The following TMEM200A variants were observed in gnomAD, a reference collection of about 807,000 sequenced individuals.
TMEM200A encodes two transmembrane C.
A neutral mutation model predicts 24.3 loss-of-function variants in TMEM200A; 12 were observed. That is an observed-to-expected ratio of 0.49 (90% confidence interval 0.32 to 0.80). TMEM200A has a LOEUF of 0.80. Ranked by LOEUF, TMEM200A falls within the 30% of genes least tolerant of loss-of-function variation. TMEM200A has a pLI of 0.04. For synonymous variants in TMEM200A, 224 were observed against 224.4 expected, an observed-to-expected ratio of 1.00 and a Z score of 0.02; for missense variants, 545 against 614.4, an observed-to-expected ratio of 0.89 and a Z score of 1.19.
chr6:130,393,717 C>T (rs543586159), intron 2 of TMEM200A, among the ~76,000 whole-genome samples: 10 of 152,192 alleles, frequency 6.6e-5, no homozygotes, highest in South Asian at 6.2e-4. Context: ...TCATGTAAAA[C>T]GGGAAATGGT....
intron 2 of TMEM200A, among the ~76,000 whole-genome samples, chr6:130,425,298 A>G (rs989171862): frequency 6.7e-6 from 1 of 148,382 alleles, no homozygotes; most frequent in African/African-American, 2.5e-5. Flanking sequence ...ATTGGTCTGG[A>G]TTGAAAACAA....
chr6:130,442,687 T>C lies in TMEM200A; in HGVS notation c.*789T>C, dbSNP rs1273101622. 6.0e-6 allele frequency: 1 copy of C among 166,814 alleles called. No homozygotes were observed. The highest frequency in any genetic ancestry group is 1.5e-5 in the Non-Finnish European group (1 of 68,082). 10.3% of individuals were successfully genotyped at this position (166,814 alleles called of 1,614,324 possible). On this transcript the variant is annotated 3_prime_UTR_variant, in exon 3 of 3. Transcript: ENST00000296978. ...GAAATGCTATCCTGAAATAATTATA[T>C]ACATGAAGACAATGTTGACTAATGA...
intron 1 of TMEM200A, chr6:130,381,817 C>T (rs758386779): frequency 1.6e-4 from 113 of 687,030 alleles, no homozygotes; most frequent in Non-Finnish European, 2.0e-4. Context: ...TTGGTTTTTA[C>T]CCTTTAGTTC....
At chr6:130,396,010 T>A (rs1778943998) in intron 2 of TMEM200A, among the ~76,000 whole-genome samples, 1 of 152,176 alleles carries the variant, frequency 6.6e-6, no homozygotes, top group African/African-American at 2.4e-5. Context: ...TACTTGATGT[T>A]GGAATCATTT....
intron 2 of TMEM200A, among the ~76,000 whole-genome samples, chr6:130,428,368 A>G (rs912934071): frequency 1.3e-5 from 2 of 152,064 alleles, no homozygotes; most frequent in Non-Finnish European, 1.5e-5. Context: ...CCCCAATACA[A>G]CTTTCTCCTT....
chr6:130,418,496 G>T (rs1206868808), intron 2 of TMEM200A, among the ~76,000 whole-genome samples: 1 of 152,138 alleles, frequency 6.6e-6, no homozygotes, highest in Non-Finnish European at 1.5e-5. Flanking sequence ...ATTCAGTCTA[G>T]TTCATAGCAA....
At chr6:130,430,111 A>AACTT (rs1317322958) in intron 2 of TMEM200A, among the ~76,000 whole-genome samples, 4 of 152,112 alleles carry the variant, frequency 2.6e-5, no homozygotes, top group African/African-American at 9.7e-5. Context: ...AAACAACAGA[A>AACTT]ACTTATTTAT....
At chr6:130,411,821 T>C (rs1779336499) in intron 2 of TMEM200A, among the ~76,000 whole-genome samples, 1 of 152,334 alleles carries the variant, frequency 6.6e-6, no homozygotes, top group East Asian at 1.9e-4. Flanking sequence ...GGTCACTTGA[T>C]TAGGCATGCC....
intron 2 of TMEM200A, among the ~76,000 whole-genome samples, chr6:130,400,967 T>C (rs1321346282): frequency 6.6e-6 from 1 of 152,088 alleles, no homozygotes; most frequent in Non-Finnish European, 1.5e-5. Flanking sequence ...ACCTTACATC[T>C]AGGTCTGAAA....
chr6:130,433,045 G>T (rs1218419536), intron 2 of TMEM200A, among the ~76,000 whole-genome samples: 1 of 152,074 alleles, frequency 6.6e-6, no homozygotes, highest in African/African-American at 2.4e-5. Context: ...CACTTGCATG[G>T]CATCAAATGA....
intron 2 of TMEM200A, among the ~76,000 whole-genome samples, chr6:130,433,558 A>C (rs1779930648): frequency 6.6e-6 from 1 of 152,206 alleles, no homozygotes; most frequent in Non-Finnish European, 1.5e-5. Context: ...CTATTCTAAA[A>C]GTTTGAAATG....
At chr6:130,437,673 G>C (rs938892336) in intron 2 of TMEM200A, 3 of 152,096 alleles carry the variant, frequency 2.0e-5, no homozygotes, top group East Asian at 1.9e-4. Context: ...TACTCTGGAA[G>C]TTTTTGCCTC....
intron 1 of TMEM200A, among the ~76,000 whole-genome samples, chr6:130,383,526 T>A (rs1373220434): frequency 1.3e-5 from 2 of 152,218 alleles, no homozygotes; most frequent in Non-Finnish European, 1.5e-5. Context: ...CAGCTGTGTA[T>A]CCAGACATAG....
At chr6:130,434,467 T>C (rs1356733826) in intron 2 of TMEM200A, among the ~76,000 whole-genome samples, 2 of 152,216 alleles carry the variant, frequency 1.3e-5, no homozygotes, top group African/African-American at 4.8e-5. Flanking sequence ...CCATGTCTAA[T>C]GTATTATAGG....
chr6:130,394,163 T>C, intron 2 of TMEM200A, among the ~76,000 whole-genome samples: 1 of 152,212 alleles, frequency 6.6e-6, no homozygotes, highest in East Asian at 1.9e-4. Flanking sequence ...AACATCAGAT[T>C]TGGATCTTGA....
intron 2 of TMEM200A, among the ~76,000 whole-genome samples, chr6:130,423,713 T>C (rs1583219827): frequency 1.3e-5 from 2 of 152,058 alleles, no homozygotes; most frequent in Non-Finnish European, 2.9e-5. Context: ...ATCCAATCTA[T>C]AGCAATAAAG....
chr6:130,414,781 A>G (rs1047926650), intron 2 of TMEM200A, among the ~76,000 whole-genome samples: 2 of 152,210 alleles, frequency 1.3e-5, no homozygotes, highest in African/African-American at 4.8e-5. Flanking sequence ...GAAGCATACT[A>G]TGTGTCAGGC....
chr6:130,436,659 T>C (rs1432900938), intron 2 of TMEM200A, among the ~76,000 whole-genome samples: 2 of 117,408 alleles, frequency 1.7e-5, no homozygotes, highest in African/African-American at 7.7e-5. Context: ...TTTTTTTTTT[T>C]TTTCAGAGAG....
intron 2 of TMEM200A, among the ~76,000 whole-genome samples, chr6:130,431,277 A>C (rs533920211): frequency 6.6e-6 from 1 of 152,318 alleles, no homozygotes; most frequent in South Asian, 2.1e-4. Flanking sequence ...GTCTCCAAAA[A>C]CATAGCCACT....
Sources: gnomAD v4.1 joint callset for allele counts (sites outside exome capture counted in the v4.1 genomes callset) on GRCh38, gnomAD v4.1.1 for gene constraint, MANE v1.5 for transcripts, NCBI Gene and HGNC (gene_info 2026-07-23, HGNC 2026-07-21) for gene names.